The following TMEM62 variants were observed in gnomAD, a reference collection of about 807,000 sequenced individuals.
TMEM62 encodes the protein transmembrane protein 62.
TMEM62 carries 41 observed loss-of-function variants against 70.4 expected under a neutral mutation model. The observed-to-expected ratio is 0.58, with a 90% CI of 0.45 to 0.76. The LOEUF (loss-of-function observed/expected upper bound fraction) is 0.76. Among genes scored for constraint, TMEM62 ranks in the 30% least tolerant of loss-of-function variants. The probability of loss-of-function intolerance (pLI) is 0.00; values close to 1 mark genes in which losing one functional copy is unlikely to be tolerated. For synonymous variants in TMEM62, 268 were observed against 291.0 expected (o/e 0.92, Z 0.80); for missense variants, 688 against 788.5 (o/e 0.87, Z 1.53).
At chr15:43,166,669 G>A (rs996557819) in intron 10 of TMEM62, among the ~76,000 whole-genome samples, 5 of 151,994 alleles carry the variant, frequency 3.3e-5, no homozygotes, top group Non-Finnish European at 7.4e-5. Context: ...AGTGAACAAA[G>A]GTCTCTGGTT....
intron 11 of TMEM62, among the ~76,000 whole-genome samples, chr15:43,176,175 G>A (rs1277415966): frequency 6.6e-6 from 1 of 152,264 alleles, no homozygotes; most frequent in East Asian, 1.9e-4. Context: ...AAACAAAGCA[G>A]CCGGGAAGCT....
rs372556741 is a variant in TMEM62, at chr15:43,180,130, AT to A, written c.1487-1041del. Among the ~76,000 whole-genome samples, 3 of 149,718 alleles carry A rather than the reference AT, an allele frequency of 2.0e-5. No homozygotes were observed. In the South Asian group the frequency reaches 6.3e-4, roughly 32 times the overall value. ...CTTGCCAGCAAATGATGGTATTTGC[AT>A]TTTTTTTTTGAGATGTAGTCTTGCT... On this transcript the variant is annotated intron_variant, in intron 12 of 13. Transcript: ENST00000260403.
At chr15:43,146,922 CT>C (rs1453133124) in intron 5 of TMEM62, among the ~76,000 whole-genome samples, 1 of 152,170 alleles carries the variant, frequency 6.6e-6, no homozygotes, top group Non-Finnish European at 1.5e-5. Context: ...GGACATACAG[CT>C]TTGTGTGGTA....
At chr15:43,176,405 C>T (rs950483293) in intron 11 of TMEM62, among the ~76,000 whole-genome samples, 8 of 152,216 alleles carry the variant, frequency 5.3e-5, no homozygotes, top group Non-Finnish European at 1.0e-4. Context: ...TGACCCCTGA[C>T]CCCCGAGCAG....
rs1254119577 is a variant in TMEM62, at chr15:43,145,366, G to A, written c.477-1127G>A. On this transcript the variant is annotated intron_variant, in intron 4 of 13. Transcript: ENST00000260403. The stretch of plus-strand genomic sequence containing the variant: ...ACTACAGGCGCCCGCCAGCACGCCC[G>A]GCTAATTTTTTTGTATTTTTAGTAG... Among the ~76,000 whole-genome samples the A allele has an allele frequency of 4.6e-5, 7 of 151,626 alleles. No individual in the cohort carries two copies. The East Asian group carries it at 1.0e-3, about 22-fold the overall frequency.
chr15:43,134,419 A>G (rs142173389), intron 2 of TMEM62, 51 bp downstream of exon 2: 2 of 1,439,828 alleles, frequency 1.4e-6, no homozygotes, highest in Non-Finnish European at 1.9e-6. Flanking sequence ...GCATGGTAGA[A>G]CTCTAGCCAG....
At chr15:43,160,424 G>A (rs778535320) in intron 9 of TMEM62, 15 of 356,066 alleles carry the variant, frequency 4.2e-5, no homozygotes, top group Admixed American at 4.6e-5. Context: ...AGTGGTGTGT[G>A]CCTATAGTCC....
At chr15:43,166,729 T>C (rs1289795716) in intron 10 of TMEM62, among the ~76,000 whole-genome samples, 3 of 152,114 alleles carry the variant, frequency 2.0e-5, no homozygotes, top group African/African-American at 7.2e-5. Flanking sequence ...TGTCCCTGGG[T>C]ACTTGAGATT....
chr15:43,174,535 T>G (rs2040537197), intron 11 of TMEM62, among the ~76,000 whole-genome samples: 1 of 152,252 alleles, frequency 6.6e-6, no homozygotes, highest in South Asian at 2.1e-4. Context: ...CTCAATATTT[T>G]TATATAGTTA....
chr15:43,162,575 G>A lies in TMEM62; in HGVS notation c.1296+1781G>A, dbSNP rs1442203198. 4.6e-5 allele frequency among the ~76,000 whole-genome samples: 7 copies of A among 151,888 alleles called. No individual in the cohort carries two copies. In the East Asian group the frequency reaches 9.7e-4, roughly 21 times the overall value. On this transcript the variant is annotated intron_variant, in intron 10 of 13. Transcript: ENST00000260403. ...GTCTCCTGAGTAGCCAGGATTACCGGCGCCCACCACCATGCCCGGCTAATT... is the reference window on the plus strand; with the variant it reads ...GTCTCCTGAGTAGCCAGGATTACCGACGCCCACCACCATGCCCGGCTAATT...
chr15:43,154,343 T>C (rs144069420), intron 8 of TMEM62, among the ~76,000 whole-genome samples: 52 of 152,300 alleles, frequency 3.4e-4, no homozygotes, highest in African/African-American at 1.2e-3. Context: ...TATATTATTT[T>C]CCTAAGAGAA....
At chr15:43,173,287 T>C (rs908683462) in intron 11 of TMEM62, among the ~76,000 whole-genome samples, 13 of 152,268 alleles carry the variant, frequency 8.5e-5, no homozygotes, top group African/African-American at 2.9e-4. Context: ...CCTCTCTGGA[T>C]TCCTGAATAG....
At chr15:43,160,407 C>T (rs1567210839) in intron 9 of TMEM62, 1 of 266,246 alleles carries the variant, frequency 3.8e-6, no homozygotes, top group Non-Finnish European at 7.0e-6. Context: ...AAATATTAGC[C>T]AGGCGTAGTG....
Position 43,135,524 on chromosome 15 carries a change from A to T in TMEM62, c.305A>T (p.Asp102Val). The T allele has an allele frequency of 6.2e-7, 1 of 1,600,192 alleles. No homozygotes were observed. The highest frequency in any genetic ancestry group is 1.1e-5 in the South Asian group (1 of 87,874). ...TGTAAACCTACAGGAGACCTGACAG[A>T]TGCCAAAACAAAGGAACAGTTGGGA... ...ALVLATGDLT[D>V]AKTKEQLGSR... Residue 102 changes from aspartate to valine, a missense_variant, in exon 3 of 14, where the codon GAT becomes GTT. By Grantham distance (152) the Asp-to-Val change is radical (BLOSUM62 -3). Coordinates refer to ENST00000260403, the MANE Select transcript of TMEM62 (RefSeq NM_024956.4).
chr15:43,151,319 G>GAAAAAAAAAAAAAAAAAAA (rs896405823), intron 7 of TMEM62, among the ~76,000 whole-genome samples: 6 of 53,408 alleles, frequency 1.1e-4, no homozygotes, highest in African/African-American at 3.4e-4. Flanking sequence ...TCAAAAATAA[G>GAAAAAAAAAAAAAAAAAAA]AAAAAAAAAA....
At chr15:43,166,138 G>T (rs1284608536) in intron 10 of TMEM62, among the ~76,000 whole-genome samples, 1 of 152,240 alleles carries the variant, frequency 6.6e-6, no homozygotes, top group Admixed American at 6.5e-5. Flanking sequence ...TGTACAAGGG[G>T]GTGCCCCAAG....
rs190102752 is a variant in TMEM62, at chr15:43,174,107, C to T, written c.1381+4430C>T. Among the ~76,000 whole-genome samples, 206 of 152,078 alleles carry T rather than the reference C, an allele frequency of 1.4e-3. 1 individual carries two copies. Among genetic ancestry groups the T allele is most frequent in the African/African-American group, 2.4e-3 (101 of 41,486 alleles). On this transcript the variant is annotated intron_variant, in intron 11 of 13. Coordinates refer to ENST00000260403, the MANE Select transcript of TMEM62 (RefSeq NM_024956.4). ...TCAAACTCCTGACCTCAGGTGGATC[C>T]GCCTACCTCAGACTCGCAAAGTGCT...
At chr15:43,147,329 T>TG (rs1446571878) in intron 5 of TMEM62, among the ~76,000 whole-genome samples, 1 of 152,200 alleles carries the variant, frequency 6.6e-6, no homozygotes, top group African/African-American at 2.4e-5. Context: ...TTCAAGTATT[T>TG]TGACAAGGCT....
intron 10 of TMEM62, among the ~76,000 whole-genome samples, chr15:43,168,197 G>C (rs1000289051): frequency 6.9e-6 from 1 of 144,896 alleles, no homozygotes; most frequent in Non-Finnish European, 1.5e-5. Context: ...GAGAGGGAGA[G>C]GGAGAGGGAG....
Sources: allele counts gnomAD v4.1 joint callset (sites outside exome capture counted in the v4.1 genomes callset), GRCh38; gene constraint gnomAD v4.1.1; transcripts MANE v1.5; gene names NCBI Gene and HGNC (gene_info 2026-07-23, HGNC 2026-07-21).